Variants in CAT observed in about 807,000 individuals in gnomAD.
CAT encodes the protein catalase.
CAT carries 43 observed loss-of-function variants against 59.0 expected under a neutral mutation model. The observed-to-expected ratio is 0.73, with a 90% CI of 0.57 to 0.94. CAT has a LOEUF of 0.94. Among genes scored for constraint, CAT ranks in the 40% least tolerant of loss-of-function variants. The probability of loss-of-function intolerance (pLI) is 0.00; values close to 1 mark genes in which losing one functional copy is unlikely to be tolerated. For synonymous variants in CAT, 218 were observed against 230.9 expected, an observed-to-expected ratio of 0.94 and a Z score of 0.51; for missense variants, 664 against 682.9, an observed-to-expected ratio of 0.97 and a Z score of 0.31.
At chr11:34,446,671 C>T (rs1856459332) in intron 1 of CAT, among the ~76,000 whole-genome samples, 1 of 152,152 alleles carries the variant, frequency 6.6e-6, no homozygotes, top group East Asian at 1.9e-4. Flanking sequence ...ATAACACTCT[C>T]ATCTGTTTAG....
chr11:34,465,409 A>G (rs1404832265), intron 10 of CAT, among the ~76,000 whole-genome samples: 1 of 152,226 alleles, frequency 6.6e-6, no homozygotes, highest in East Asian at 1.9e-4. Context: ...CATTTCCTGC[A>G]TACCTTTTAT....
chr11:34,457,071 C>A, intron 8 of CAT: 1 of 484,524 alleles, frequency 2.1e-6, no homozygotes, highest in Non-Finnish European at 3.7e-6. Flanking sequence ...TACTTACTCT[C>A]TTAATTAAAA....
intron 10 of CAT, among the ~76,000 whole-genome samples, chr11:34,467,587 T>C (rs1856733254): frequency 6.6e-6 from 1 of 152,198 alleles, no homozygotes; most frequent in Non-Finnish European, 1.5e-5. Flanking sequence ...TTATAGATAC[T>C]CAATATTTGT....
intron 11 of CAT, 173 bp downstream of exon 11, chr11:34,468,568 G>A (rs1187054566): frequency 1.5e-6 from 1 of 645,308 alleles, no homozygotes; most frequent in Non-Finnish European, 2.8e-6. Flanking sequence ...TTCTTTCCAT[G>A]TTTTATCTGG....
At chr11:34,470,934 G>A in intron 11 of CAT, 24 bp from the exon 12 acceptor site, 1 of 1,585,666 alleles carries the variant, frequency 6.3e-7, no homozygotes, top group Non-Finnish European at 8.7e-7. Context: ...AGTAATGCTT[G>A]CATTTATTTT....
intron 1 of CAT, among the ~76,000 whole-genome samples, chr11:34,445,765 T>A (rs1473012615): frequency 1.3e-5 from 2 of 152,152 alleles, no homozygotes; most frequent in Non-Finnish European, 2.9e-5. Context: ...AAAAATATTC[T>A]GGCTCTAAAG....
intron 1 of CAT, among the ~76,000 whole-genome samples, chr11:34,440,567 CT>C (rs1371909875): frequency 1.1e-3 from 157 of 143,838 alleles, no homozygotes; most frequent in East Asian, 2.0e-3. Context: ...CTTTTCTTTT[CT>C]TTTTTTTTTT....
intron 2 of CAT, among the ~76,000 whole-genome samples, chr11:34,449,743 T>C (rs551177442): frequency 2.6e-5 from 4 of 152,352 alleles, no homozygotes; most frequent in African/African-American, 9.6e-5. Context: ...ATATTTCTGA[T>C]TGATAAAACA....
At chr11:34,439,156 C>A in intron 1 of CAT, 77 bp downstream of exon 1, 1 of 1,374,976 alleles carries the variant, frequency 7.3e-7, no homozygotes, top group Non-Finnish European at 1.0e-6. Context: ...GGCCCGGCTT[C>A]CCCCGGGGCG....
chr11:34,450,604 GC>G (rs1325271193), intron 2 of CAT, among the ~76,000 whole-genome samples: 1 of 152,078 alleles, frequency 6.6e-6, no homozygotes, highest in Admixed American at 6.5e-5. Flanking sequence ...TATCATCGTT[GC>G]TAAGTGTTGA....
In CAT at chr11:34,452,152, A is replaced by C. The variant is rs1428168076; in HGVS notation, c.425A>C (p.Asn142Thr). 1.5e-5 allele frequency: 24 copies of C among 1,613,700 alleles called. No homozygotes were observed. Among genetic ancestry groups the C allele is most frequent in the Non-Finnish European group, 1.9e-5 (23 of 1,179,740 alleles). ...FAVKFYTEDG[N>T]WDLVGNNTPI... ...GTGAAATTTTACACAGAAGATGGTA[A>C]CTGGGATCTCGTTGGAAATAACACC... The change falls in exon 4 of 13, where the codon AAC (asparagine) becomes ACC (threonine). Residue 142 changes from asparagine (N) to threonine (T), a missense_variant. Asn to Thr is a moderately conservative substitution (Grantham distance 65, BLOSUM62 0). Coordinates refer to ENST00000241052, the MANE Select transcript of CAT (RefSeq NM_001752.4).
Position 34,464,115 on chromosome 11 carries a change from A to C in CAT, c.1206A>C (p.Pro402=), listed in dbSNP as rs1253043680. 4 of 1,614,184 alleles carry C rather than the reference A, an allele frequency of 2.5e-6. 1 individual carries two copies. The South Asian group carries it at 4.4e-5, about 18-fold the overall frequency. ...MCMQDNQGGA[P]NYYPNSFGAP... is the part of the protein sequence containing the mutation. Reference sequence around the variant, plus strand: ...GGTTTTGTTTTGAAGGTGGTGCTCCAAATTACTACCCCAACAGCTTTGGTG... The same window carrying C: ...GGTTTTGTTTTGAAGGTGGTGCTCCCAATTACTACCCCAACAGCTTTGGTG... The change falls in exon 10 of 13, where the codon CCA becomes CCC. Residue 402 remains proline (P), a synonymous_variant. Transcript: ENST00000241052.
intron 10 of CAT, among the ~76,000 whole-genome samples, chr11:34,464,652 T>G (rs1856692924): frequency 6.6e-6 from 1 of 151,990 alleles, no homozygotes; most frequent in African/African-American, 2.4e-5. Flanking sequence ...TGTGGGCGTT[T>G]CCACTGCAGG....
In CAT at chr11:34,456,267, A is replaced by G. The variant is rs1590304413; in HGVS notation, c.903+65A>G. On this transcript the variant is annotated intron_variant, in intron 7 of 12. Transcript: ENST00000241052. ...CTCTTCTTACCTAATTAGAAAAAAA[A>G]TCTAGTCAAACAATTATAATAATGG... 6 of 1,235,186 alleles carry G rather than the reference A, an allele frequency of 4.9e-6. No individual in the cohort carries two copies. In the East Asian group the frequency reaches 1.5e-4, roughly 30 times the overall value. The allele number at this position is 1,235,186 out of a possible 1,614,324, so 76.5% of individuals were successfully genotyped here.
At chr11:34,440,390 G>A (rs1259368844) in intron 1 of CAT, among the ~76,000 whole-genome samples, 2 of 152,080 alleles carry the variant, frequency 1.3e-5, no homozygotes, top group Non-Finnish European at 2.9e-5. Flanking sequence ...CTACTTAGTG[G>A]CAGAGACAAG....
chr11:34,448,892 C>T (rs1336043923), intron 1 of CAT, among the ~76,000 whole-genome samples: 2 of 152,140 alleles, frequency 1.3e-5, no homozygotes, highest in Non-Finnish European at 2.9e-5. Context: ...GGGAGCTTTG[C>T]AGAACCCAGT....
chr11:34,451,334 A>T (rs1035116405), intron 3 of CAT, among the ~76,000 whole-genome samples: 2 of 152,256 alleles, frequency 1.3e-5, no homozygotes, highest in African/African-American at 4.8e-5. Context: ...ATTCTGTGAC[A>T]TTTGGAAAGA....
At position 34,451,020 on chromosome 11, in the gene CAT, A is replaced by T; in HGVS notation, c.271A>T (p.Ile91Phe). 1 of 1,613,784 alleles carries T rather than the reference A, an allele frequency of 6.2e-7. No homozygotes were observed. Among genetic ancestry groups the T allele is most frequent in the Non-Finnish European group, 8.5e-7 (1 of 1,179,648 alleles). The change falls in exon 3 of 13, where the codon ATT (isoleucine) becomes TTT (phenylalanine). Residue 91 changes from isoleucine to phenylalanine, a missense_variant. Coordinates refer to ENST00000241052, the MANE Select transcript of CAT (RefSeq NM_001752.4). ...AFGYFEVTHD[I>F]TKYSKAKVFE... Reference sequence around the variant, plus strand: ...TGGCTACTTTGAGGTCACACATGACATTACCAAATACTCCAAGGCAAAGGT... The same window carrying T: ...TGGCTACTTTGAGGTCACACATGACTTTACCAAATACTCCAAGGCAAAGGT...
At chr11:34,446,064 G>A (rs991900093) in intron 1 of CAT, among the ~76,000 whole-genome samples, 4 of 151,922 alleles carry the variant, frequency 2.6e-5, no homozygotes, top group Non-Finnish European at 4.4e-5. Flanking sequence ...TAAATACACC[G>A]CATCCTGCTC....
Sources: gnomAD v4.1 joint callset for allele counts (sites outside exome capture counted in the v4.1 genomes callset) on GRCh38, gnomAD v4.1.1 for gene constraint, MANE v1.5 for transcripts, NCBI Gene and HGNC (gene_info 2026-07-23, HGNC 2026-07-21) for gene names.